NCR2: variants seen among roughly 807,000 people sequenced by gnomAD.
The protein encoded by NCR2 is NK cell activating receptor (NKp44).
NCR2 carries 35 observed loss-of-function variants against 30.7 expected under a neutral mutation model. That is an observed-to-expected ratio of 1.14 (90% CI 0.87 to 1.51). The LOEUF (loss-of-function observed/expected upper bound fraction) is 1.51. Ranked by LOEUF, NCR2 falls within the 40% of genes most tolerant of loss-of-function variation. The pLI is 0.00. For missense variants in NCR2, 316 were observed against 328.9 expected (o/e 0.96, Z 0.30); for synonymous variants, 146 against 134.8 (o/e 1.08, Z -0.58).
At chr6:41,346,526 C>T (rs1354966850) in intron 4 of NCR2, among the ~76,000 whole-genome samples, 2 of 152,206 alleles carry the variant, frequency 1.3e-5, no homozygotes, top group African/African-American at 2.4e-5. Context: ...GGCACACAGC[C>T]TCCCCTTCTG....
At chr6:41,339,089 AG>A (rs1157636873) in intron 2 of NCR2, among the ~76,000 whole-genome samples, 1 of 152,008 alleles carries the variant, frequency 6.6e-6, no homozygotes, top group Non-Finnish European at 1.5e-5. Context: ...TTTCGTTTTG[AG>A]GCGGAGTCTC....
intron 4 of NCR2, among the ~76,000 whole-genome samples, chr6:41,345,071 A>C (rs901206118): frequency 6.6e-6 from 1 of 152,076 alleles, no homozygotes; most frequent in African/African-American, 2.4e-5. Context: ...CCCTGAGCAG[A>C]GCATCTCTGT....
At position 41,342,195 on chromosome 6, in the gene NCR2, A is replaced by G. The variant is rs779549716; in HGVS notation, c.644+46A>G. On this transcript the variant is annotated intron_variant, in intron 4 of 4. Transcript: ENST00000373089. ...ACTCGGGGAAAATGGAACAGGGAAC[A>G]GCTTCTGCCCAGGATAGAGGGTCAG... The G allele has an allele frequency of 4.6e-5, 74 of 1,605,024 alleles. 1 individual carries two copies. The East Asian group carries it at 1.6e-3, about 34-fold the overall frequency.
chr6:41,335,986 G>T, intron 1 of NCR2, 58 bp downstream of exon 1: 1 of 1,582,094 alleles, frequency 6.3e-7, no homozygotes, highest in South Asian at 1.2e-5. Flanking sequence ...GGACTGTCAG[G>T]ACAGCAGGGT....
intron 4 of NCR2, among the ~76,000 whole-genome samples, chr6:41,349,328 T>C (rs1353335489): frequency 1.3e-5 from 2 of 152,118 alleles, no homozygotes; most frequent in Non-Finnish European, 2.9e-5. Context: ...CCTCTGCTCC[T>C]GACACAGAGC....
At position 41,335,689 on chromosome 6, in the gene NCR2, A is replaced by T. The variant is rs984547080; in HGVS notation, c.-188A>T. 15 of 662,530 alleles carry T rather than the reference A, an allele frequency of 2.3e-5. No individual in the cohort carries two copies. The highest frequency in any genetic ancestry group is 1.4e-4 in the Admixed American group (6 of 42,866). The allele number at this position is 662,530 out of a possible 1,614,324, so 41.0% of individuals were successfully genotyped here. ...GACCCAGACTCACCTACAGCTGGAGATCCCCACTTCCCTGTGCCCACAGAA... is the reference window on the plus strand; with the variant it reads ...GACCCAGACTCACCTACAGCTGGAGTTCCCCACTTCCCTGTGCCCACAGAA... On this transcript the variant is annotated 5_prime_UTR_variant, in exon 1 of 5. Coordinates refer to ENST00000373089, the MANE Select transcript of NCR2 (RefSeq NM_004828.4).
At position 41,335,654 on chromosome 6, in the gene NCR2, G is replaced by A. The variant is rs574061100; in HGVS notation, c.-223G>A. 1.2e-5 allele frequency: 7 copies of A among 578,862 alleles called. 1 individual carries two copies. The highest frequency in any genetic ancestry group is 6.0e-5 in the East Asian group (2 of 33,234). The allele number at this position is 578,862 out of a possible 1,614,324, so 35.9% of individuals were successfully genotyped here. On this transcript the variant is annotated 5_prime_UTR_variant, in exon 1 of 5. Coordinates refer to ENST00000373089, the MANE Select transcript of NCR2 (RefSeq NM_004828.4). The stretch of plus-strand genomic sequence containing the variant: ...GGGAAGCTGTGTGCCAGACAGCGCC[G>A]AGCCCACCAGACCCAGACTCACCTA...
At chr6:41,348,806 A>G (rs1769362967) in intron 4 of NCR2, among the ~76,000 whole-genome samples, 1 of 152,086 alleles carries the variant, frequency 6.6e-6, no homozygotes. Flanking sequence ...TCTCCTGTAA[A>G]ACTTATTGTG....
intron 2 of NCR2, among the ~76,000 whole-genome samples, chr6:41,341,465 G>A (rs909229665): frequency 3.3e-5 from 5 of 152,136 alleles, no homozygotes; most frequent in Non-Finnish European, 7.4e-5. Context: ...GAGAGCCGAA[G>A]GGGCCCGAAG....
rs756231739 is a variant in NCR2 at position 41,341,930 on chromosome 6, G to C, written c.530+1G>C. On this transcript the variant is annotated splice_donor_variant, in intron 3 of 4. Coordinates refer to ENST00000373089, the MANE Select transcript of NCR2 (RefSeq NM_004828.4). LOFTEE classifies it high-confidence loss of function. ...CATCTACCATCCCTGTCCCTTCACA[G>C]TGAGTTTCGGGGTGCCCGTAGCCAC... is the stretch of plus-strand genomic sequence containing the variant. 5.0e-6 allele frequency: 8 copies of C among 1,613,776 alleles called. No homozygotes were observed. Among genetic ancestry groups the C allele is most frequent in the Non-Finnish European group, 6.8e-6 (8 of 1,179,772 alleles).
At position 41,336,415 on chromosome 6, in the gene NCR2, G is replaced by C. The variant is rs775244331; in HGVS notation, c.381G>C (p.Leu127=). 2.5e-6 allele frequency: 4 copies of C among 1,613,094 alleles called. No homozygotes were observed. In the South Asian group the frequency reaches 3.3e-5, roughly 13 times the overall value. The change falls in exon 2 of 5, where the codon CTG becomes CTC. Residue 127 remains leucine, a synonymous_variant. Transcript: ENST00000373089. ...NSVSKSVRFY[L]VVSPASASTQ... ...TCTCTAAGTCCGTCAGATTCTATCT[G>C]GTGGTATCTCCAGGTGAGCTCTTTC...
Position 41,347,196 on chromosome 6 carries a change from C to T in NCR2, c.645-3482C>T, listed in dbSNP as rs117022250. ...TGCCACTGCACTCCAGCCTAGGTGA[C>T]AGAGCAAGACCCTGTCTAAAATAGA... On this transcript the variant is annotated intron_variant, in intron 4 of 4. Transcript: ENST00000373089. Among the ~76,000 whole-genome samples, 4 of 152,254 alleles carry T rather than the reference C, an allele frequency of 2.6e-5. No homozygotes were observed. In the East Asian group the frequency reaches 7.7e-4, roughly 29 times the overall value.
intron 2 of NCR2, among the ~76,000 whole-genome samples, chr6:41,336,763 A>G (rs1193843769): frequency 6.6e-6 from 1 of 152,166 alleles, no homozygotes; most frequent in Non-Finnish European, 1.5e-5. Flanking sequence ...AGGTGCATCC[A>G]CTGGCTGCCC....
chr6:41,339,163 G>A (rs1226795830), intron 2 of NCR2, among the ~76,000 whole-genome samples: 1 of 151,910 alleles, frequency 6.6e-6, no homozygotes, highest in Admixed American at 6.6e-5. Flanking sequence ...CAGGGTTCAA[G>A]CGATTCTCCT....
intron 2 of NCR2, 135 bp from the exon 3 acceptor site, chr6:41,341,659 C>G: frequency 8.6e-7 from 1 of 1,167,838 alleles, no homozygotes; most frequent in Non-Finnish European, 1.2e-6. Context: ...AGTCCCCACC[C>G]CTCAAATTAG....
At chr6:41,345,953 C>T (rs564557492) in intron 4 of NCR2, among the ~76,000 whole-genome samples, 1 of 152,232 alleles carries the variant, frequency 6.6e-6, no homozygotes, top group Admixed American at 6.5e-5. Flanking sequence ...TTCTCCTTTG[C>T]CTCATGCTCC....
rs746936647 is a variant in NCR2 at position 41,336,162 on chromosome 6, C to G, written c.128C>G (p.Pro43Arg). ...GQTLTVRCQY[P>R]PTGSLYEKKG... ...ACGCTAACCGTGAGATGCCAGTACCCGCCCACGGGCAGTCTCTACGAGAAG... is the reference window on the plus strand; with the variant it reads ...ACGCTAACCGTGAGATGCCAGTACCGGCCCACGGGCAGTCTCTACGAGAAG... The change falls in exon 2 of 5, where the codon CCG becomes CGG. Residue 43 changes from proline (P) to arginine (R), a missense_variant. By Grantham distance (103) the Pro-to-Arg change is moderately radical. Coordinates refer to ENST00000373089, the MANE Select transcript of NCR2 (RefSeq NM_004828.4). 1 of 1,614,152 alleles carries G rather than the reference C, an allele frequency of 6.2e-7. No homozygotes were observed. The highest frequency in any genetic ancestry group is 2.2e-5 in the East Asian group (1 of 44,874).
In NCR2 at chr6:41,342,117, G is replaced by A. The variant is rs772243933; in HGVS notation, c.612G>A (p.Lys204=). The change falls in exon 4 of 5, where the codon AAG becomes AAA. Residue 204 remains lysine, a synonymous_variant. Transcript: ENST00000373089. ...VPVFCGLLVA[K]SLVLSALLVW... is the part of the protein sequence containing the mutation. The stretch of plus-strand genomic sequence containing the variant: ...TGTTCTGTGGACTCCTCGTAGCCAA[G>A]AGCCTGGTGCTGTCAGCCCTGCTCG... The A allele has an allele frequency of 1.7e-5, 27 of 1,613,428 alleles. No individual in the cohort carries two copies. The highest frequency in any genetic ancestry group is 8.3e-5 in the Admixed American group (5 of 60,006).
chr6:41,340,491 C>T (rs9381049), intron 2 of NCR2, among the ~76,000 whole-genome samples: 74,273 of 151,980 alleles, frequency 0.49, 20,816 homozygotes, highest in Admixed American at 0.62. Flanking sequence ...GTATCACACA[C>T]TGTAACATGG....
Sources: allele counts gnomAD v4.1 joint callset (sites outside exome capture counted in the v4.1 genomes callset), GRCh38; gene constraint gnomAD v4.1.1; transcripts MANE v1.5; gene names NCBI Gene and HGNC (gene_info 2026-07-23, HGNC 2026-07-21).